SRFBP1: variants seen among roughly 807,000 people sequenced by gnomAD.
SRFBP1 encodes the protein serum response factor-binding protein 1.
A neutral mutation model predicts 45.5 loss-of-function variants in SRFBP1; 47 were observed. That is an observed-to-expected ratio of 1.03 (90% CI 0.82 to 1.32). The LOEUF is 1.32. SRFBP1 is among the 40% of genes most tolerant of loss of function. The pLI is 0.00. For synonymous variants in SRFBP1, 203 were observed against 166.3 expected (o/e 1.22, Z -1.70); for missense variants, 621 against 484.6 (o/e 1.28, Z -2.64).
downstream of SRFBP1, chr5:122,077,115 G>A: frequency 6.7e-7 from 1 of 1,501,598 alleles, no homozygotes; most frequent in Non-Finnish European, 8.8e-7. This position sits in a 1 kb window ranked among gnomAD's most constrained non-coding sequence, Gnocchi z 4.9. Flanking sequence ...GGACTGCAGA[G>A]TGGAGCGGAG....
intron 4 of SRFBP1, among the ~76,000 whole-genome samples, chr5:122,014,785 G>C (rs950556651): frequency 1.3e-5 from 2 of 152,124 alleles, no homozygotes; most frequent in African/African-American, 4.8e-5. Flanking sequence ...GTCCACACTA[G>C]ACATGCAAGT....
At chr5:122,059,931 T>A (rs1470330509) in intron 2 of SRFBP1, among the ~76,000 whole-genome samples, 1 of 152,098 alleles carries the variant, frequency 6.6e-6, no homozygotes, top group African/African-American at 2.4e-5. Flanking sequence ...CTTGAAAGAA[T>A]GGTTCTCTCT....
chr5:121,966,762 A>C (rs1023965988), intron 1 of SRFBP1, among the ~76,000 whole-genome samples: 1 of 150,362 alleles, frequency 6.7e-6, no homozygotes, highest in Non-Finnish European at 1.5e-5. Context: ...CTGACATTTT[A>C]TTTTTTTTTA....
intron 3 of SRFBP1, among the ~76,000 whole-genome samples, chr5:121,990,874 G>T (rs768925603): frequency 6.6e-6 from 1 of 152,260 alleles, no homozygotes; most frequent in East Asian, 1.9e-4. Context: ...CAACAAGCTG[G>T]TTAGAATATA....
rs1191967210 is a variant in SRFBP1, at chr5:122,020,540, T to G, written c.805T>G (p.Phe269Val). The change falls in exon 6 of 8, where the codon TTT becomes GTT. Residue 269 changes from phenylalanine (F) to valine (V), a missense_variant. By Grantham distance (50) the Phe-to-Val change is conservative. Coordinates refer to ENST00000339397, the MANE Select transcript of SRFBP1 (RefSeq NM_152546.3). ...TTTTGATGATAGCACAGAAGAAAGG[T>G]TTTACAAGCAGTCTTCCATGTCTGA... ...EYFDDSTEER[F>V]YKQSSMSEDS... 1.2e-6 allele frequency: 2 copies of G among 1,613,886 alleles called. No homozygotes were observed. The highest frequency in any genetic ancestry group is 1.7e-6 in the Non-Finnish European group (2 of 1,179,972).
chr5:121,966,462 G>A (rs1368499540), intron 1 of SRFBP1, among the ~76,000 whole-genome samples: 2 of 152,200 alleles, frequency 1.3e-5, no homozygotes, highest in African/African-American at 4.8e-5. Context: ...ATGGGCAGAT[G>A]AAAGCATGGA....
intron 3 of SRFBP1, among the ~76,000 whole-genome samples, chr5:121,975,890 T>C (rs1752293139): frequency 6.6e-6 from 1 of 151,922 alleles, no homozygotes; most frequent in African/African-American, 2.4e-5. Context: ...GTTTTTTTTT[T>C]CAGTCAGACT....
chr5:122,076,951 C>A (rs749942260), downstream of SRFBP1: 5 of 1,613,876 alleles, frequency 3.1e-6, no homozygotes, highest in Non-Finnish European at 4.2e-6. Flanking sequence ...ATCTTCTGCA[C>A]GTACGTGGAC....
At chr5:121,967,271 G>T (rs931064771) in intron 1 of SRFBP1, among the ~76,000 whole-genome samples, 1 of 152,236 alleles carries the variant, frequency 6.6e-6, no homozygotes, top group South Asian at 2.1e-4. Context: ...GTTACAAAAC[G>T]CTTGTGTCGT....
chr5:121,977,508 TAAAG>T (rs915857545), intron 3 of SRFBP1, among the ~76,000 whole-genome samples: 10 of 152,108 alleles, frequency 6.6e-5, no homozygotes, highest in African/African-American at 2.4e-4. Flanking sequence ...AGCAAATAAA[TAAAG>T]CATTTTTCTT....
intron 7 of SRFBP1, among the ~76,000 whole-genome samples, chr5:122,025,531 C>T (rs561484187): frequency 5.9e-5 from 9 of 152,224 alleles, no homozygotes; most frequent in South Asian, 4.2e-4. Context: ...CCTGAGGAAT[C>T]GCCACACTGA....
intron 1 of SRFBP1, among the ~76,000 whole-genome samples, chr5:121,971,722 T>A (rs1752203303): frequency 6.6e-6 from 1 of 151,958 alleles, no homozygotes; most frequent in African/African-American, 2.4e-5. Context: ...CTCTTAACAT[T>A]TTATGACTGG....
downstream of SRFBP1, among the ~76,000 whole-genome samples, chr5:122,031,422 C>T (rs1753586828): frequency 6.6e-6 from 1 of 152,060 alleles, no homozygotes; most frequent in Admixed American, 6.6e-5. Context: ...CCTGAGGAAG[C>T]CCAGACTTCA....
intron 2 of SRFBP1, among the ~76,000 whole-genome samples, chr5:122,074,600 T>C (rs1406429691): frequency 6.6e-6 from 1 of 152,208 alleles, no homozygotes; most frequent in Non-Finnish European, 1.5e-5. Context: ...TTCTCACATA[T>C]TTAAAATCAT....
chr5:122,067,793 C>T (rs1227471036), intron 2 of SRFBP1, among the ~76,000 whole-genome samples: 3 of 152,186 alleles, frequency 2.0e-5, no homozygotes, highest in East Asian at 1.9e-4. Context: ...TTGCCTGTGA[C>T]GTTGACTTGC....
At chr5:121,984,515 A>T (rs183824230) in intron 3 of SRFBP1, among the ~76,000 whole-genome samples, 84 of 151,896 alleles carry the variant, frequency 5.5e-4, no homozygotes, top group Non-Finnish European at 4.0e-4. Flanking sequence ...AATTTCTGTG[A>T]CATGTTTCAA....
chr5:122,030,989 T>C (rs1295113278), downstream of SRFBP1, among the ~76,000 whole-genome samples: 1 of 152,156 alleles, frequency 6.6e-6, no homozygotes, highest in Non-Finnish European at 1.5e-5. Flanking sequence ...GAGAAGGCCC[T>C]AAACTCTCAC....
At chr5:122,030,136 A>G (rs1753565991), downstream of SRFBP1, among the ~76,000 whole-genome samples, 1 of 152,220 alleles carries the variant, frequency 6.6e-6, no homozygotes, top group Admixed American at 6.5e-5. Flanking sequence ...ATGGCAGAGT[A>G]AGAACATCCA....
intron 4 of SRFBP1, among the ~76,000 whole-genome samples, chr5:121,996,836 G>C (rs1485629616): frequency 2.8e-5 from 4 of 144,078 alleles, no homozygotes; most frequent in African/African-American, 1.1e-4. Context: ...CAAAATCAAT[G>C]TACAAAAATC....
Sources: allele counts gnomAD v4.1 joint callset (sites outside exome capture counted in the v4.1 genomes callset), GRCh38; gene constraint gnomAD v4.1.1; non-coding constraint Gnocchi (gnomAD v3.1); transcripts MANE v1.5; gene names NCBI Gene and HGNC (gene_info 2026-07-23, HGNC 2026-07-21).